Variants in RIPOR2 observed in about 807,000 individuals in gnomAD.
RIPOR2 encodes RHO family interacting cell polarization regulator 2, also known as rho family-interacting cell polarization regulator 2.
RIPOR2 carries 39 observed loss-of-function variants against 114.5 expected under a neutral mutation model. That is an observed-to-expected ratio of 0.34 (90% CI 0.26 to 0.44). RIPOR2 has a LOEUF of 0.44. RIPOR2 is among the 20% of genes least tolerant of loss of function. The pLI, the probability that RIPOR2 is intolerant of heterozygous loss-of-function variation, is 1.00. For synonymous variants in RIPOR2, 445 were observed against 484.4 expected, an observed-to-expected ratio of 0.92 and a Z score of 1.07; for missense variants, 1,007 against 1,255.1, an observed-to-expected ratio of 0.80 and a Z score of 2.99.
At chr6:24,832,957 G>A (rs1760799124) in intron 15 of RIPOR2, among the ~76,000 whole-genome samples, 1 of 152,212 alleles carries the variant, frequency 6.6e-6, no homozygotes, top group Non-Finnish European at 1.5e-5. Flanking sequence ...AATGAGGCGG[G>A]TCTTATTGAT....
chr6:24,927,127 C>CACTACCACCAGCACCACTACAACTACA (rs1770942054), intron 1 of RIPOR2, among the ~76,000 whole-genome samples: 1 of 1,286 alleles, frequency 7.8e-4, no homozygotes, highest in Non-Finnish European at 1.7e-3. Context: ...TTATAATCAT[C>CACTACCACCAGCACCACTACAACTACA]ATCTCACTAC....
At chr6:24,946,740 G>C (rs904473007) in intron 1 of RIPOR2, among the ~76,000 whole-genome samples, 2 of 152,178 alleles carry the variant, frequency 1.3e-5, no homozygotes, top group African/African-American at 4.8e-5. Context: ...CAGGAGGTAG[G>C]CTTCGCAGTG....
At chr6:24,806,592 G>T (rs369466238) in intron 21 of RIPOR2, 119 bp from the exon 22 acceptor site, 3 of 677,892 alleles carry the variant, frequency 4.4e-6, no homozygotes, top group South Asian at 2.2e-5. Flanking sequence ...GCTAACTTTT[G>T]GTAAGGAAAA....
chr6:24,843,371 A>G lies in RIPOR2; in HGVS notation c.1348T>C (p.Leu450=), dbSNP rs999744740. Residue 450 remains leucine (L), a synonymous_variant, in exon 13 of 22, where the codon TTG becomes CTG. Transcript: ENST00000643898. ...ITPAEFNLSS[L]ASQNEGMDDT... is the part of the protein sequence containing the mutation. The stretch of plus-strand genomic sequence containing the variant: ...TCCATACCCTCATTCTGGGAGGCCA[A>G]GCTGCTGAGGTTAAACTCCGCAGGG... The G allele has an allele frequency of 6.2e-6, 10 of 1,613,828 alleles. No homozygotes were observed. The highest frequency in any genetic ancestry group is 2.7e-5 in the African/African-American group (2 of 74,890).
Position 24,952,640 on chromosome 6 carries a change from A to G in RIPOR2, c.77-76823T>C, listed in dbSNP as rs577208442. ...AGCTGATGAGTATTGAGTATTTATTAGCATTGTTTTAAATGTAATTTATTT... is the reference window on the plus strand; with the variant it reads ...AGCTGATGAGTATTGAGTATTTATTGGCATTGTTTTAAATGTAATTTATTT... On this transcript the variant is annotated intron_variant, in intron 1 of 13. Transcript: ENST00000510784. 3.9e-5 allele frequency among the ~76,000 whole-genome samples: 6 copies of G among 152,346 alleles called. No individual in the cohort carries two copies. The South Asian group carries it at 1.0e-3, about 26-fold the overall frequency.
In RIPOR2 at chr6:24,878,594, A is replaced by G. The variant is rs375300555; in HGVS notation, c.62-2777T>C. Among the ~76,000 whole-genome samples the G allele has an allele frequency of 1.6e-4, 25 of 152,152 alleles. No homozygotes were observed. In the South Asian group the frequency reaches 5.0e-3, roughly 30 times the overall value. On this transcript the variant is annotated intron_variant, in intron 1 of 21. Transcript: ENST00000643898. ...TCAAGCCAATTTTCCCCCCTTATCC[A>G]TTGGATCACGGTAGTTTAAACTACT...
At chr6:25,028,562 A>G (rs1561853004) in intron 1 of RIPOR2, among the ~76,000 whole-genome samples, 1 of 152,230 alleles carries the variant, frequency 6.6e-6, no homozygotes, top group Non-Finnish European at 1.5e-5. Context: ...CTGAGGATTA[A>G]GTGAAATAAT....
At position 25,015,452 on chromosome 6, in the gene RIPOR2, A is replaced by G. The variant is rs114813327; in HGVS notation, c.76+26399T>C. 6.5e-3 allele frequency: 994 copies of G among 152,356 alleles called. 9 individuals are homozygous for G. The highest frequency in any genetic ancestry group is 0.017 in the Middle Eastern group (5 of 294). The allele number at this position is 152,356 out of a possible 1,614,324, so 9.4% of individuals were successfully genotyped here. On this transcript the variant is annotated intron_variant, in intron 1 of 13. Coordinates refer to the RIPOR2 transcript ENST00000510784. ...GATGGGAGGTGAAGGGAAGAGCAGC[A>G]TCATCTGTGCAGCCTGGTGAAACGG...
At chr6:24,840,649 G>A in intron 13 of RIPOR2, 1 of 1,532,854 alleles carries the variant, frequency 6.5e-7, no homozygotes, top group South Asian at 1.2e-5. Context: ...TGACACTCAA[G>A]ATGGCACAAA....
At chr6:24,848,232 C>A in intron 11 of RIPOR2, 78 bp from the exon 12 acceptor site, 1 of 1,435,244 alleles carries the variant, frequency 7.0e-7, no homozygotes, top group Non-Finnish European at 9.5e-7. Flanking sequence ...TAAGAGAGTA[C>A]CTCATTATAT....
chr6:24,951,870 G>A (rs186330274), intron 1 of RIPOR2, among the ~76,000 whole-genome samples: 31 of 152,234 alleles, frequency 2.0e-4, no homozygotes, highest in South Asian at 4.1e-4. Flanking sequence ...ATATGAGAAC[G>A]GAACTTGTGG....
chr6:24,877,431 C>T (rs1366428696), intron 1 of RIPOR2: 1 of 845,726 alleles, frequency 1.2e-6, no homozygotes, highest in African/African-American at 1.8e-5. Context: ...ATGCAAATCC[C>T]ATACTAGCTG....
intron 1 of RIPOR2, among the ~76,000 whole-genome samples, chr6:24,960,450 C>T (rs192010153): frequency 3.3e-5 from 5 of 152,290 alleles, no homozygotes; most frequent in Admixed American, 3.3e-4. Flanking sequence ...GTCTAATCAC[C>T]TAATCACTAC....
intron 1 of RIPOR2, among the ~76,000 whole-genome samples, chr6:25,027,804 G>C (rs9366599): frequency 0.21 from 31,970 of 152,226 alleles, 4,142 homozygotes; most frequent in East Asian, 0.59. Flanking sequence ...CTGAACAAGA[G>C]GGAAGAGGCA....
rs916337957 is a variant in RIPOR2 at position 24,976,553 on chromosome 6, A to T, written c.76+65298T>A. On this transcript the variant is annotated intron_variant, in intron 1 of 13. Coordinates refer to the RIPOR2 transcript ENST00000510784. ...CCATAAAGCTATGTTAACAGATTGG[A>T]GCTGTTTGCAGACAAGGTCCCAAAG... 6 of 1,595,354 alleles carry T rather than the reference A, an allele frequency of 3.8e-6. No homozygotes were observed. In the African/African-American group the frequency reaches 5.4e-5, roughly 14 times the overall value.
intron 1 of RIPOR2, among the ~76,000 whole-genome samples, chr6:24,959,972 C>T (rs1273335681): frequency 6.6e-6 from 1 of 152,184 alleles, no homozygotes; most frequent in Admixed American, 6.5e-5. Flanking sequence ...TCCTATAACA[C>T]AGGTGATGTT....
intron 1 of RIPOR2, among the ~76,000 whole-genome samples, chr6:25,000,070 C>G (rs1358200536): frequency 6.6e-6 from 1 of 152,186 alleles, no homozygotes; most frequent in Non-Finnish European, 1.5e-5. Flanking sequence ...CCCCAGCCAC[C>G]CAGGGCCATT....
At position 24,805,785 on chromosome 6, in the gene RIPOR2, A is replaced by G. The variant is rs1780738606; in HGVS notation, c.*588T>C. Reference sequence around the variant, plus strand: ...ATGGCTATTTTTAAATTTCATACATATTAAGATAAGATGGACTCTTTCACT... The same window carrying G: ...ATGGCTATTTTTAAATTTCATACATGTTAAGATAAGATGGACTCTTTCACT... On this transcript the variant is annotated 3_prime_UTR_variant, in exon 22 of 22. Transcript: ENST00000643898. The G allele has an allele frequency of 1.3e-5, 2 of 152,198 alleles. No individual in the cohort carries two copies. The highest frequency in any genetic ancestry group is 2.1e-4 in the South Asian group (1 of 4,834). The allele number at this position is 152,198 out of a possible 1,614,324, so 9.4% of individuals were successfully genotyped here.
intron 1 of RIPOR2, chr6:25,024,209 GGTGC>G (rs1374775955): frequency 1.3e-6 from 2 of 1,485,042 alleles, no homozygotes; most frequent in Non-Finnish European, 1.9e-6. Flanking sequence ...TGGCGAGAAA[GGTGC>G]CCAGGAGGTA....
Sources: allele counts gnomAD v4.1 joint callset (sites outside exome capture counted in the v4.1 genomes callset), GRCh38; gene constraint gnomAD v4.1.1; transcripts MANE v1.5; gene names NCBI Gene and HGNC (gene_info 2026-07-23, HGNC 2026-07-21).